The following ALOXE3 variants were observed in gnomAD, a reference collection of about 807,000 sequenced individuals.
ALOXE3 encodes the protein hydroperoxide isomerase ALOXE3.
ALOXE3 carries 78 observed loss-of-function variants against 87.5 expected under a neutral mutation model. The ratio of observed to expected loss-of-function variants is 0.89; its 90% CI spans 0.74 to 1.08. The LOEUF (loss-of-function observed/expected upper bound fraction) is 1.08. ALOXE3 is among the 50% of genes least tolerant of loss of function. ALOXE3 has a pLI of 0.00. For synonymous variants in ALOXE3, 363 were observed against 370.8 expected (o/e 0.98, Z 0.24); for missense variants, 946 against 912.4 (o/e 1.04, Z -0.47).
At chr17:8,117,813 G>C in intron 2 of ALOXE3, 31 bp downstream of exon 2, 1 of 1,604,756 alleles carries the variant, frequency 6.2e-7, no homozygotes, top group Non-Finnish European at 8.5e-7. Flanking sequence ...GCCCCTCTGA[G>C]GTCGCGCTTC....
intron 15 of ALOXE3, among the ~76,000 whole-genome samples, chr17:8,099,433 G>A (rs1383396105): frequency 6.6e-6 from 1 of 151,992 alleles, no homozygotes; most frequent in East Asian, 1.9e-4. Context: ...AGCCTGAGAT[G>A]GGTGGATCAC....
chr17:8,111,401 G>T lies in ALOXE3; in HGVS notation c.915C>A (p.Ala305=), dbSNP rs753968670. ...GGCATGTGTCCTGTCCCAGCAAGGG[G>T]GCCACCATGTCATTGGTGACAGGCA... is the stretch of plus-strand genomic sequence containing the variant. ...SKLPVTNDMV[A]PLLGQDTCLQ... The change falls in exon 8 of 16, where the codon GCC becomes GCA. Residue 305 remains alanine, a synonymous_variant. Coordinates refer to ENST00000448843, the MANE Select transcript of ALOXE3 (RefSeq NM_021628.3). 1.2e-6 allele frequency: 2 copies of T among 1,613,868 alleles called. No individual in the cohort carries two copies. The highest frequency in any genetic ancestry group is 1.1e-5 in the South Asian group (1 of 91,070).
At chr17:8,116,196 T>A (rs774822231) in intron 3 of ALOXE3, among the ~76,000 whole-genome samples, 11 of 152,156 alleles carry the variant, frequency 7.2e-5, no homozygotes, top group Admixed American at 1.3e-4. Context: ...ATCCTGAGCC[T>A]CCTCCCAACA....
intron 8 of ALOXE3, 119 bp from the exon 9 acceptor site, chr17:8,110,647 T>C: frequency 7.0e-7 from 1 of 1,427,046 alleles, no homozygotes; most frequent in Non-Finnish European, 9.6e-7. Context: ...GTCTCAGAAA[T>C]TCTTGGTGCC....
At chr17:8,112,320 C>A in intron 6 of ALOXE3, 124 bp from the exon 7 acceptor site, 1 of 731,806 alleles carries the variant, frequency 1.4e-6, no homozygotes, top group African/African-American at 1.7e-5. Flanking sequence ...CCTAACAATC[C>A]ACATGGGAGA....
At chr17:8,111,214 G>A in intron 8 of ALOXE3, 145 bp downstream of exon 8, 1 of 1,023,120 alleles carries the variant, frequency 9.8e-7, no homozygotes, top group South Asian at 1.4e-5. Flanking sequence ...CTTAAAGTGT[G>A]CAGGACCATG....
intron 15 of ALOXE3, among the ~76,000 whole-genome samples, chr17:8,098,332 G>A (rs1006882623): frequency 7.0e-4 from 81 of 116,444 alleles, no homozygotes; most frequent in African/African-American, 2.2e-3. Context: ...TCCGTCTCCC[G>A]GGATCAAGTG....
chr17:8,110,016 G>A lies in ALOXE3; in HGVS notation c.1306-14C>T. On this transcript the variant is annotated splice_polypyrimidine_tract_variant and intron_variant, in intron 10 of 15. Coordinates refer to ENST00000448843, the MANE Select transcript of ALOXE3 (RefSeq NM_021628.3). ...GGGGAGTAGGAGCTGCGAGCGGAGC[G>A]GATCACGTGAGCTGAAGGCCGGGGA... 4 of 1,562,504 alleles carry A rather than the reference G, an allele frequency of 2.6e-6. No homozygotes were observed. Among genetic ancestry groups the A allele is most frequent in the Non-Finnish European group, 3.5e-6 (4 of 1,153,122 alleles).
intron 12 of ALOXE3, 83 bp from the exon 13 acceptor site, chr17:8,108,672 C>T (rs558666186): frequency 1.2e-5 from 19 of 1,571,546 alleles, no homozygotes; most frequent in East Asian, 2.3e-5. Context: ...GCTGCTCAGG[C>T]GGCAGAGAGA....
chr17:8,099,466 A>G (rs918676914), intron 15 of ALOXE3, among the ~76,000 whole-genome samples: 4 of 152,086 alleles, frequency 2.6e-5, no homozygotes, highest in African/African-American at 9.7e-5. Flanking sequence ...GTTCGAGACC[A>G]GCCTGACTAA....
chr17:8,105,985 G>A (rs1178166522), intron 13 of ALOXE3, among the ~76,000 whole-genome samples: 2 of 151,700 alleles, frequency 1.3e-5, no homozygotes, highest in Admixed American at 6.6e-5. Context: ...GGAACAGGGA[G>A]GGGACCTAAT....
chr17:8,110,071 C>A, intron 10 of ALOXE3, 21 bp downstream of exon 10: 3 of 1,600,076 alleles, frequency 1.9e-6, no homozygotes, highest in Non-Finnish European at 2.6e-6. Flanking sequence ...CCCCGCTGGG[C>A]CCCCACCCGG....
chr17:8,109,460 T>C (rs2151838345), intron 11 of ALOXE3, 117 bp from the exon 12 acceptor site: 1 of 1,404,086 alleles, frequency 7.1e-7, no homozygotes, highest in Non-Finnish European at 9.7e-7. Context: ...CACCAAGCAA[T>C]CCACGGATCA....
At position 8,112,126 on chromosome 17, in the gene ALOXE3, T is replaced by A; in HGVS notation, c.751A>T (p.Asn251Tyr). 1 of 1,614,148 alleles carries A rather than the reference T, an allele frequency of 6.2e-7. No homozygotes were observed. The highest frequency in any genetic ancestry group is 8.5e-7 in the Non-Finnish European group (1 of 1,180,026). The stretch of plus-strand genomic sequence containing the variant: ...AAGGTCTTATGGCACCAGAAGATGT[T>A]CTGCATGTCATCCAGCTTCTTCCAG... The part of the protein sequence containing the change: ...GSWKKLDDMQ[N>Y]IFWCHKTFTT... Residue 251 changes from asparagine to tyrosine, a missense_variant, in exon 7 of 16, where the codon AAC (asparagine) becomes TAC (tyrosine). By Grantham distance (143) the Asn-to-Tyr change is moderately radical. Coordinates refer to ENST00000448843, the MANE Select transcript of ALOXE3 (RefSeq NM_021628.3).
At chr17:8,102,069 T>C (rs931948898) in intron 15 of ALOXE3, among the ~76,000 whole-genome samples, 7 of 152,228 alleles carry the variant, frequency 4.6e-5, no homozygotes, top group Non-Finnish European at 1.0e-4. Flanking sequence ...AAAGGGCTAC[T>C]TGCCTGGCCT....
intron 6 of ALOXE3, among the ~76,000 whole-genome samples, chr17:8,113,671 A>ACAT (rs1425954086): frequency 6.6e-6 from 1 of 151,910 alleles, no homozygotes; most frequent in African/African-American, 2.4e-5. Context: ...AACAACAACA[A>ACAT]CAAAAGGAAT....
intron 2 of ALOXE3, among the ~76,000 whole-genome samples, chr17:8,117,375 A>C (rs2151847810): frequency 6.6e-6 from 1 of 152,362 alleles, no homozygotes; most frequent in African/African-American, 2.4e-5. Context: ...ACCTGAGATC[A>C]CACCACTGCC....
At chr17:8,105,614 T>C (rs1979241982) in intron 13 of ALOXE3, among the ~76,000 whole-genome samples, 1 of 152,046 alleles carries the variant, frequency 6.6e-6, no homozygotes, top group African/African-American at 2.4e-5. Context: ...GCCCGGTAAT[T>C]ATTGGTTGAA....
chr17:8,115,759 AC>A, intron 3 of ALOXE3, 71 bp from the exon 4 acceptor site: 1 of 1,478,822 alleles, frequency 6.8e-7, no homozygotes, highest in Non-Finnish European at 9.4e-7. Context: ...CCTTGCCTGA[AC>A]CCCCTGACCC....
Sources: gnomAD v4.1 joint callset for allele counts (sites outside exome capture counted in the v4.1 genomes callset) on GRCh38, gnomAD v4.1.1 for gene constraint, MANE v1.5 for transcripts, NCBI Gene and HGNC (gene_info 2026-07-23, HGNC 2026-07-21) for gene names.